Variants in TET1 observed in about 807,000 individuals in gnomAD.
The protein encoded by TET1 is methylcytosine dioxygenase TET1.
A neutral mutation model predicts 148.7 loss-of-function variants in TET1; 13 were observed. The observed-to-expected ratio is 0.09, with a 90% CI of 0.06 to 0.14. TET1 has a LOEUF of 0.14. Among genes scored for constraint, TET1 ranks in the 10% least tolerant of loss-of-function variants. TET1 has a pLI of 1.00. For missense variants in TET1, 2,182 were observed against 2,553.8 expected (o/e 0.85, Z 3.14); for synonymous variants, 907 against 937.2 (o/e 0.97, Z 0.59).
At chr10:68,661,885 T>TTC (rs1554809999) in intron 6 of TET1, among the ~76,000 whole-genome samples, 6 of 148,436 alleles carry the variant, frequency 4.0e-5, no homozygotes, top group African/African-American at 1.5e-4. Flanking sequence ...TTTTTCTTTT[T>TTC]TTTTTTTTTT....
chr10:68,610,371 G>A (rs1017440600), intron 3 of TET1, among the ~76,000 whole-genome samples: 5 of 151,086 alleles, frequency 3.3e-5, no homozygotes, highest in Admixed American at 6.6e-5. Context: ...ATCACTTGAG[G>A]TCAGGAGCTC....
At chr10:68,681,629 A>T (rs2055435245) in intron 9 of TET1, 141 bp downstream of exon 9, 1 of 538,992 alleles carries the variant, frequency 1.9e-6, no homozygotes, top group Non-Finnish European at 3.2e-6. Context: ...TCACCCTCCA[A>T]AAATGCTGGG....
At chr10:68,653,212 A>G (rs7069195) in intron 6 of TET1, among the ~76,000 whole-genome samples, 29,114 of 151,898 alleles carry the variant, frequency 0.19, 3,497 homozygotes, top group African/African-American at 0.34. Flanking sequence ...CTGGTTTAGA[A>G]TATTGGTAGC....
chr10:68,667,290 C>G, intron 7 of TET1, 34 bp downstream of exon 7: 1 of 1,547,782 alleles, frequency 6.5e-7, no homozygotes, highest in Non-Finnish European at 8.8e-7. Flanking sequence ...CCTTACCATT[C>G]AGATCTCTAT....
intron 8 of TET1, chr10:68,674,357 A>G (rs1298849091): frequency 4.3e-6 from 1 of 231,924 alleles, no homozygotes; most frequent in East Asian, 1.3e-4. Context: ...AAGGCAGCAC[A>G]AAGGGAGCCA....
intron 2 of TET1, among the ~76,000 whole-genome samples, chr10:68,591,629 A>C (rs972508208): frequency 6.6e-6 from 1 of 152,146 alleles, no homozygotes; most frequent in Admixed American, 6.6e-5. Flanking sequence ...AAGGCCGGGC[A>C]CAGTGGCTCA....
At chr10:68,606,395 G>A (rs2054125059) in intron 3 of TET1, among the ~76,000 whole-genome samples, 1 of 152,078 alleles carries the variant, frequency 6.6e-6, no homozygotes, top group Non-Finnish European at 1.5e-5. Flanking sequence ...CCCTACAAAT[G>A]AAAGATAACA....
At chr10:68,657,615 G>A (rs953941792) in intron 6 of TET1, among the ~76,000 whole-genome samples, 12 of 152,266 alleles carry the variant, frequency 7.9e-5, no homozygotes, top group East Asian at 1.9e-4. Flanking sequence ...CCTGAGTAAC[G>A]GAATGAGCCC....
At chr10:68,661,863 TAAA>T (rs1185168676) in intron 6 of TET1, among the ~76,000 whole-genome samples, 2 of 140,064 alleles carry the variant, frequency 1.4e-5, no homozygotes, top group African/African-American at 5.3e-5. Context: ...TTTTTTAATT[TAAA>T]AAAAATTTTT....
At chr10:68,604,607 G>T (rs939538457) in intron 3 of TET1, among the ~76,000 whole-genome samples, 2 of 152,156 alleles carry the variant, frequency 1.3e-5, no homozygotes, top group African/African-American at 4.8e-5. Flanking sequence ...TGCTTTGATT[G>T]GTTGATCCCA....
rs1210596363 is a variant in TET1, at chr10:68,612,202, G to A, written c.1968+11168G>A. Among the ~76,000 whole-genome samples the A allele has an allele frequency of 4.6e-5, 7 of 151,818 alleles. No individual in the cohort carries two copies. In the East Asian group the frequency reaches 1.4e-3, roughly 30 times the overall value. On this transcript the variant is annotated intron_variant, in intron 3 of 11. Transcript: ENST00000373644. The stretch of plus-strand genomic sequence containing the variant: ...CCTCCTGGGTTCAAGTGATTCTCCT[G>A]TCTCAGCCTCCTGACTAGCTGGGAC...
chr10:68,598,424 T>G (rs1404591709), intron 2 of TET1, among the ~76,000 whole-genome samples: 1 of 152,214 alleles, frequency 6.6e-6, no homozygotes, highest in South Asian at 2.1e-4. Context: ...ATGTTACATA[T>G]ATTTCATCAC....
At chr10:68,631,433 C>CTTTTTT (rs546257824) in intron 3 of TET1, among the ~76,000 whole-genome samples, 239 of 110,492 alleles carry the variant, frequency 2.2e-3, no homozygotes, top group East Asian at 2.9e-3. Flanking sequence ...TTTCTTTCTT[C>CTTTTTT]TTTTTTTTTT....
At chr10:68,627,374 T>C (rs1186450517) in intron 3 of TET1, among the ~76,000 whole-genome samples, 2 of 151,650 alleles carry the variant, frequency 1.3e-5, no homozygotes, top group Admixed American at 6.6e-5. Context: ...CACGCCACCG[T>C]ACTCCAGCCT....
At chr10:68,676,248 A>ATTTTTTT (rs2055350386) in intron 8 of TET1, among the ~76,000 whole-genome samples, 1 of 20,746 alleles carries the variant, frequency 4.8e-5, no homozygotes, top group Non-Finnish European at 7.5e-5. Context: ...ATATATATAT[A>ATTTTTTT]TATATATATA....
chr10:68,602,761 G>A (rs548175055), intron 3 of TET1, among the ~76,000 whole-genome samples: 6 of 152,246 alleles, frequency 3.9e-5, no homozygotes, highest in South Asian at 2.1e-4. Flanking sequence ...TGTTGCTCAC[G>A]TTCCTCTATA....
At chr10:68,575,993 C>T (rs2053725821) in intron 2 of TET1, among the ~76,000 whole-genome samples, 1 of 145,782 alleles carries the variant, frequency 6.9e-6, no homozygotes, top group Admixed American at 6.9e-5. Flanking sequence ...GCACTCCAGC[C>T]TGGGTGACAG....
chr10:68,572,331 C>A lies in TET1; in HGVS notation c.-8C>A. The A allele has an allele frequency of 6.3e-7, 1 of 1,587,806 alleles. No individual in the cohort carries two copies. Among genetic ancestry groups the A allele is most frequent in the Non-Finnish European group, 8.5e-7 (1 of 1,172,146 alleles). ...CTGCGCCCTTTCATTTTTTCCTACT[C>A]TGTAGCTATGTCTCGATCCCGCCAT... is the stretch of plus-strand genomic sequence containing the variant. On this transcript the variant is annotated 5_prime_UTR_variant, in exon 2 of 12. The change creates a new upstream start codon in the 5' untranslated region. Coordinates refer to ENST00000373644, the MANE Select transcript of TET1 (RefSeq NM_030625.3).
chr10:68,581,796 G>A (rs1458033802), intron 2 of TET1, among the ~76,000 whole-genome samples: 1 of 149,992 alleles, frequency 6.7e-6, no homozygotes, highest in African/African-American at 2.5e-5. Flanking sequence ...AGTGAGCTTA[G>A]ATCACACTAC....
Sources: gnomAD v4.1 joint callset for allele counts (sites outside exome capture counted in the v4.1 genomes callset) on GRCh38, gnomAD v4.1.1 for gene constraint, MANE v1.5 for transcripts, NCBI Gene and HGNC (gene_info 2026-07-23, HGNC 2026-07-21) for gene names.